Variants in ATAD2 observed in about 807,000 individuals in gnomAD.
ATAD2 encodes the protein ATPase family AAA domain-containing protein 2.
ATAD2 carries 62 observed loss-of-function variants against 168.9 expected under a neutral mutation model. That is an observed-to-expected ratio of 0.37 (90% CI 0.30 to 0.45). The LOEUF is 0.45. Among genes scored for constraint, ATAD2 ranks in the 20% least tolerant of loss-of-function variants. ATAD2 has a pLI of 1.00. For missense variants in ATAD2, 1,419 were observed against 1,667.8 expected (o/e 0.85, Z 2.60); for synonymous variants, 613 against 571.6 (o/e 1.07, Z -1.03).
intron 12 of ATAD2, 77 bp downstream of exon 12, chr8:123,357,485 G>C: frequency 7.7e-7 from 1 of 1,294,268 alleles, no homozygotes; most frequent in Non-Finnish European, 1.0e-6. Context: ...CTGATTAAAT[G>C]TAAGATTTAT....
intron 26 of ATAD2, among the ~76,000 whole-genome samples, chr8:123,325,407 C>A (rs1019220075): frequency 1.2e-4 from 18 of 151,948 alleles, no homozygotes; most frequent in African/African-American, 3.9e-4. Flanking sequence ...CTCAGCCTCC[C>A]GAGTAGCTGG....
chr8:123,368,246 C>T (rs1210599808), intron 8 of ATAD2, among the ~76,000 whole-genome samples: 2 of 151,954 alleles, frequency 1.3e-5, no homozygotes, highest in African/African-American at 4.8e-5. Flanking sequence ...GGTGAAAACC[C>T]GTCTCTACTA....
intron 16 of ATAD2, 102 bp from the exon 17 acceptor site, chr8:123,346,852 A>G: frequency 1.5e-6 from 2 of 1,290,980 alleles, no homozygotes; most frequent in Non-Finnish European, 1.1e-6. Flanking sequence ...ATTTTTTCAA[A>G]GAATCAAAAA....
At chr8:123,377,388 A>G (rs1829350491) in intron 2 of ATAD2, among the ~76,000 whole-genome samples, 1 of 152,134 alleles carries the variant, frequency 6.6e-6, no homozygotes, top group Non-Finnish European at 1.5e-5. Context: ...ATTTTATTAT[A>G]CTCCCTTAAG....
chr8:123,371,283 G>A lies in ATAD2; in HGVS notation c.592C>T (p.Arg198Ter). The A allele has an allele frequency of 1.2e-6, 2 of 1,609,030 alleles. No homozygotes were observed. The highest frequency in any genetic ancestry group is 1.7e-6 in the Non-Finnish European group (2 of 1,178,016). Residue 198 changes from arginine (R) to a stop codon, truncating the protein, a stop_gained, in exon 5 of 28, where the codon CGA (arginine) becomes TGA (stop). Coordinates refer to ENST00000287394, the MANE Select transcript of ATAD2 (RefSeq NM_014109.4). LOFTEE classifies it high-confidence loss of function. The stretch of plus-strand genomic sequence containing the variant: ...CCCAAGTCTTCAAGTTCTCTCATTC[G>A]CTGTCTACGCATCTTCTTCATGTCA... Reference protein sequence around the residue: ...MDDMKKMRRQRMRELEDLGVF... With the variant: ...MDDMKKMRRQ
intron 2 of ATAD2, among the ~76,000 whole-genome samples, chr8:123,376,966 C>T (rs776902793): frequency 1.3e-5 from 2 of 151,810 alleles, no homozygotes; most frequent in Non-Finnish European, 2.9e-5. Flanking sequence ...GTAGGGCATG[C>T]CTGTAATCCC....
rs779590120 is a variant in ATAD2, at chr8:123,325,871, A to G, written c.4002+22T>C. The G allele has an allele frequency of 1.1e-5, 18 of 1,612,414 alleles. No individual in the cohort carries two copies. The African/African-American group carries it at 2.3e-4, about 20-fold the overall frequency. On this transcript the variant is annotated intron_variant, in intron 26 of 27. Coordinates refer to ENST00000287394, the MANE Select transcript of ATAD2 (RefSeq NM_014109.4). Reference sequence around the variant, plus strand: ...GATTAGTAATCTGCAGAGTAAAAGCATTATGATTTCAATTTACATACTTTT... The same window carrying G: ...GATTAGTAATCTGCAGAGTAAAAGCGTTATGATTTCAATTTACATACTTTT...
In ATAD2 at chr8:123,391,485, GAAAAAAAAAAAAAAAA is replaced by G. The variant is rs10563871; in HGVS notation, c.171+4686_171+4701del. Among the ~76,000 whole-genome samples the G allele has an allele frequency of 2.1e-4, 7 of 33,876 alleles. No homozygotes were observed. In the South Asian group the frequency reaches 8.1e-3, roughly 39 times the overall value. 22.2% of individuals were successfully genotyped at this position (33,876 alleles called of 152,430 possible). ...CTGATCAGAGGTAATGAGAAGTTTTGAAAAAAAAAAAAAAAAAAAAAAAAAAGGTCAGCCTGAGATT... is the reference window on the plus strand; with the variant it reads ...CTGATCAGAGGTAATGAGAAGTTTTGAAAAAAAAAAGGTCAGCCTGAGATT... On this transcript the variant is annotated intron_variant, in intron 1 of 27. Coordinates refer to ENST00000287394, the MANE Select transcript of ATAD2 (RefSeq NM_014109.4).
chr8:123,371,676 A>G lies in ATAD2; in HGVS notation c.530T>C (p.Ile177Thr), dbSNP rs751679720. 6.3e-7 allele frequency: 1 copy of G among 1,597,090 alleles called. No individual in the cohort carries two copies. Among genetic ancestry groups the G allele is most frequent in the Non-Finnish European group, 8.5e-7 (1 of 1,175,790 alleles). The change falls in exon 4 of 28, where the codon ATA (isoleucine) becomes ACA (threonine). Residue 177 changes from isoleucine to threonine, a missense_variant. Physicochemically the swap from Ile to Thr is moderately conservative, Grantham distance 89. Transcript: ENST00000287394. ...CTAAGGAATTTTTACTTACTTAGTT[A>G]TAAGTTTGTCAAACAGCATGGACTG... ...VNQSMLFDKL[I>T]TNTAEAVLQK...
chr8:123,369,783 T>C lies in ATAD2; in HGVS notation c.931+38A>G, dbSNP rs372457599. The C allele has an allele frequency of 2.2e-5, 32 of 1,480,920 alleles. No individual in the cohort carries two copies. The African/African-American group carries it at 4.2e-4, about 19-fold the overall frequency. The allele number at this position is 1,480,920 out of a possible 1,614,324, so 91.7% of individuals were successfully genotyped here. On this transcript the variant is annotated intron_variant, in intron 7 of 27. Transcript: ENST00000287394. ...AGAAACAGGAAATATAAAGCTAATATAATTACATCTCCTGGAAAGAGTATG... is the reference window on the plus strand; with the variant it reads ...AGAAACAGGAAATATAAAGCTAATACAATTACATCTCCTGGAAAGAGTATG...
At chr8:123,397,981 CTG>C (rs1378354051), upstream of ATAD2, among the ~76,000 whole-genome samples, 6 of 152,034 alleles carry the variant, frequency 3.9e-5, no homozygotes, top group Non-Finnish European at 8.8e-5. Context: ...CTACGGGACT[CTG>C]GGTCTTAGTT....
At chr8:123,365,428 A>C (rs1046687548) in intron 8 of ATAD2, among the ~76,000 whole-genome samples, 1 of 152,164 alleles carries the variant, frequency 6.6e-6, no homozygotes, top group Admixed American at 6.5e-5. Context: ...TAGAAAAAAC[A>C]ATCCTAAAAT....
At chr8:123,338,555 T>G (rs1586863216) in intron 20 of ATAD2, among the ~76,000 whole-genome samples, 1 of 152,114 alleles carries the variant, frequency 6.6e-6, no homozygotes, top group Non-Finnish European at 1.5e-5. Flanking sequence ...AAAAAAAGGA[T>G]TATTAGAGTC....
In ATAD2 at chr8:123,344,991, G is replaced by C; in HGVS notation, c.2611C>G (p.Pro871Ala). The change falls in exon 19 of 28, where the codon CCG becomes GCG. Residue 871 changes from proline to alanine, a missense_variant. By Grantham distance (27) the Pro-to-Ala change is conservative. Coordinates refer to ENST00000287394, the MANE Select transcript of ATAD2 (RefSeq NM_014109.4). Reference sequence around the variant, plus strand: ...GTGGTAAATGTGGCTTTAAGTGTCGGTCCAACTATTTCCCACCACACGTGG... The same window carrying C: ...GTGGTAAATGTGGCTTTAAGTGTCGCTCCAACTATTTCCCACCACACGTGG... ...HIHVWWEIVG[P>A]TLKATFTTLL... is the part of the protein sequence containing the mutation. The C allele has an allele frequency of 1.9e-6, 3 of 1,613,920 alleles. No individual in the cohort carries two copies. In the South Asian group the frequency reaches 3.3e-5, roughly 18 times the overall value.
chr8:123,378,016 A>T (rs557600483), intron 2 of ATAD2, among the ~76,000 whole-genome samples: 38 of 152,356 alleles, frequency 2.5e-4, no homozygotes, highest in Admixed American at 1.2e-3. Context: ...GTTCTCAGAG[A>T]CAGTTAATGG....
In ATAD2 at chr8:123,371,718, C is replaced by A; in HGVS notation, c.488G>T (p.Arg163Leu). 1 of 1,613,370 alleles carries A rather than the reference C, an allele frequency of 6.2e-7. No homozygotes were observed. The highest frequency in any genetic ancestry group is 1.1e-5 in the South Asian group (1 of 90,960). The change falls in exon 4 of 28, where the codon CGT becomes CTT. Residue 163 changes from arginine (R) to leucine (L), a missense_variant. By Grantham distance (102) the Arg-to-Leu change is moderately radical. This residue lies in a region of ATAD2 where 419 missense variants were observed against 423.5 expected (regional missense o/e 0.99). Coordinates refer to ENST00000287394, the MANE Select transcript of ATAD2 (RefSeq NM_014109.4). ...EVRRSCRIRS[R>L]YSGVNQSMLF... ...CATGGACTGGTTTACACCACTATAA[C>A]GACTTCTAATCCTACAACTTCGACG...
At chr8:123,390,771 G>A (rs992472241) in intron 1 of ATAD2, among the ~76,000 whole-genome samples, 32 of 152,146 alleles carry the variant, frequency 2.1e-4, no homozygotes, top group East Asian at 1.5e-3. Flanking sequence ...AGTGGCTCAC[G>A]CCTGTAATCC....
chr8:123,326,093 A>G lies in ATAD2; in HGVS notation c.3869-67T>C. 2.0e-6 allele frequency: 3 copies of G among 1,514,180 alleles called. No homozygotes were observed. In the Admixed American group the frequency reaches 5.5e-5, roughly 28 times the overall value. The allele number at this position is 1,514,180 out of a possible 1,614,324, so 93.8% of individuals were successfully genotyped here. A position where few individuals can be genotyped will look rare whatever the true frequency, so the allele number is the denominator to read the frequency against. ...ATTATGATGTCTAAAATAAATAATAATATTAGGCAGATTAAACAGGGCATG... is the reference window on the plus strand; with the variant it reads ...ATTATGATGTCTAAAATAAATAATAGTATTAGGCAGATTAAACAGGGCATG... On this transcript the variant is annotated intron_variant, in intron 25 of 27. Coordinates refer to ENST00000287394, the MANE Select transcript of ATAD2 (RefSeq NM_014109.4).
chr8:123,340,050 C>G (rs568291368), intron 19 of ATAD2, among the ~76,000 whole-genome samples: 1 of 152,196 alleles, frequency 6.6e-6, no homozygotes, highest in South Asian at 2.1e-4. Flanking sequence ...CCACCACACT[C>G]AGCTAATTTT....
Sources: allele counts gnomAD v4.1 joint callset (sites outside exome capture counted in the v4.1 genomes callset), GRCh38; gene constraint gnomAD v4.1.1; regional missense constraint gnomAD v4.1.1; transcripts MANE v1.5; gene names NCBI Gene and HGNC (gene_info 2026-07-23, HGNC 2026-07-21).